CSRNP2: variants seen among roughly 807,000 people sequenced by gnomAD.
The protein encoded by CSRNP2 is cysteine/serine-rich nuclear protein 2.
CSRNP2 carries 11 observed loss-of-function variants against 36.6 expected under a neutral mutation model. The ratio of observed to expected loss-of-function variants is 0.30; its 90% CI spans 0.19 to 0.50. The LOEUF (loss-of-function observed/expected upper bound fraction) is 0.50. Among genes scored for constraint, CSRNP2 ranks in the 20% least tolerant of loss-of-function variants. The pLI, the probability that CSRNP2 is intolerant of heterozygous loss-of-function variation, is 0.98. For missense variants in CSRNP2, 483 were observed against 691.4 expected, an observed-to-expected ratio of 0.70 and a Z score of 3.38; for synonymous variants, 248 against 275.3, an observed-to-expected ratio of 0.90 and a Z score of 0.98.
rs770908177 is a variant in CSRNP2 at position 51,067,728 on chromosome 12, C to T, written c.653G>A (p.Arg218Gln). The T allele has an allele frequency of 1.9e-5, 30 of 1,614,040 alleles. No homozygotes were observed. The highest frequency in any genetic ancestry group is 4.0e-5 in the African/African-American group (3 of 74,908). ...LSREECGCDCRLYCDPEACAC... is the reference protein window; with the variant it reads ...LSREECGCDCQLYCDPEACAC... ...ACACGCTTCTGGGTCACAATACAGT[C>T]GGCAGTCACAACCACATTCTTCCCG... Residue 218 changes from arginine (R) to glutamine (Q), a missense_variant, in exon 4 of 5, where the codon CGA becomes CAA. Transcript: ENST00000228515. This position sits in a 1 kb window ranked among gnomAD's most constrained non-coding sequence, Gnocchi z 4.1.
In CSRNP2 at chr12:51,062,336, T is replaced by C. The variant is rs1001538716; in HGVS notation, c.*1410A>G. The C allele has an allele frequency of 6.6e-6, 1 of 152,220 alleles. No homozygotes were observed. Among genetic ancestry groups the C allele is most frequent in the Admixed American group, 6.5e-5 (1 of 15,272 alleles). 9.4% of individuals were successfully genotyped at this position (152,220 alleles called of 1,614,324 possible). A position where few individuals can be genotyped will look rare whatever the true frequency, so the allele number is the denominator to read the frequency against. The stretch of plus-strand genomic sequence containing the variant: ...CAGAAGTAAAGTATGGTGTAAAGGA[T>C]GCTTGAGAAGAATAGTTTTGCTCCC... On this transcript the variant is annotated 3_prime_UTR_variant, in exon 5 of 5. Transcript: ENST00000228515.
At chr12:51,071,789 G>A (rs1939170933) in intron 3 of CSRNP2, among the ~76,000 whole-genome samples, 1 of 152,182 alleles carries the variant, frequency 6.6e-6, no homozygotes, top group South Asian at 2.1e-4. Flanking sequence ...TAGGAGAGTG[G>A]AGTTTTCTTC....
In CSRNP2 at chr12:51,063,983, T is replaced by C; in HGVS notation, c.1395A>G (p.Thr465=). Residue 465 remains threonine (T), a synonymous_variant, in exon 5 of 5, where the codon ACA becomes ACG. Coordinates refer to ENST00000228515, the MANE Select transcript of CSRNP2 (RefSeq NM_030809.3). The part of the protein sequence containing the change: ...PVTSLVACSS[T]DPAALCKSEV... ...CTGATTTACAGAGGGCAGCTGGGTC[T>C]GTGGAGCTACAAGCCACGAGTGAGG... 6.2e-7 allele frequency: 1 copy of C among 1,613,980 alleles called. No homozygotes were observed. Among genetic ancestry groups the C allele is most frequent in the Non-Finnish European group, 8.5e-7 (1 of 1,179,822 alleles).
chr12:51,071,259 C>CAAA (rs34960606), intron 3 of CSRNP2, among the ~76,000 whole-genome samples: 19,193 of 118,358 alleles, frequency 0.16, 1,933 homozygotes, highest in South Asian at 0.24. Context: ...GACCCTGCAT[C>CAAA]AAAAAAAAAA....
chr12:51,074,232 C>G, intron 2 of CSRNP2, 150 bp from the exon 3 acceptor site: 1 of 862,568 alleles, frequency 1.2e-6, no homozygotes. Context: ...ATTCTCCTGC[C>G]TCAGCCTCCT....
At chr12:51,077,283 C>T (rs189976837) in intron 1 of CSRNP2, among the ~76,000 whole-genome samples, 1 of 152,258 alleles carries the variant, frequency 6.6e-6, no homozygotes, top group African/African-American at 2.4e-5. Context: ...TACAGCCCGG[C>T]ATTTCCCAAA....
At chr12:51,075,948 G>A (rs1462339337) in intron 2 of CSRNP2, among the ~76,000 whole-genome samples, 2 of 152,140 alleles carry the variant, frequency 1.3e-5, no homozygotes, top group African/African-American at 4.8e-5. Context: ...TACTGGGGAG[G>A]CCTGAAGCAG....
intron 1 of CSRNP2, among the ~76,000 whole-genome samples, chr12:51,080,230 G>A (rs1385747820): frequency 6.6e-6 from 1 of 151,842 alleles, no homozygotes; most frequent in Non-Finnish European, 1.5e-5. Context: ...GGAAGTAACT[G>A]TCCACTCCTG....
At chr12:51,071,317 A>G (rs1939146529) in intron 3 of CSRNP2, among the ~76,000 whole-genome samples, 1 of 149,466 alleles carries the variant, frequency 6.7e-6, no homozygotes, top group Non-Finnish European at 1.5e-5. Flanking sequence ...GTGCAGCTGC[A>G]GTCCCAGCTA....
In CSRNP2 at chr12:51,063,687, G is replaced by A; in HGVS notation, c.*59C>T. The A allele has an allele frequency of 7.5e-7, 1 of 1,326,302 alleles. No individual in the cohort carries two copies. The highest frequency in any genetic ancestry group is 1.0e-6 in the Non-Finnish European group (1 of 988,186). The allele number at this position is 1,326,302 out of a possible 1,614,324, so 82.2% of individuals were successfully genotyped here. On this transcript the variant is annotated 3_prime_UTR_variant, in exon 5 of 5. Transcript: ENST00000228515. The stretch of plus-strand genomic sequence containing the variant: ...TTCTACAGTTTTGTTTTGAAATGGT[G>A]TTAGATAAAATAAGGGAATAAATAG...
chr12:51,080,848 G>A (rs1057423950), intron 1 of CSRNP2, among the ~76,000 whole-genome samples: 1 of 152,196 alleles, frequency 6.6e-6, no homozygotes, highest in African/African-American at 2.4e-5. Flanking sequence ...AGATGAAGAT[G>A]TTCACTGGGC....
Position 51,065,613 on chromosome 12 carries a change from G to A in CSRNP2, c.709-944C>T, listed in dbSNP as rs953083055. On this transcript the variant is annotated intron_variant, in intron 4 of 4. Coordinates refer to ENST00000228515, the MANE Select transcript of CSRNP2 (RefSeq NM_030809.3). ...GCTGGGATTACAGGTGTGAGCCACC[G>A]CGCCCGGCCCTAATTTTAAAATTTT... Among the ~76,000 whole-genome samples, 9 of 151,730 alleles carry A rather than the reference G, an allele frequency of 5.9e-5. No individual in the cohort carries two copies. In the South Asian group the frequency reaches 1.0e-3, roughly 18 times the overall value.
chr12:51,073,236 C>T (rs1939260295), intron 3 of CSRNP2, among the ~76,000 whole-genome samples: 2 of 151,350 alleles, frequency 1.3e-5, no homozygotes, highest in African/African-American at 2.4e-5. Context: ...AACATACATA[C>T]ATACATACAT....
At chr12:51,080,882 C>T (rs1458106030) in intron 1 of CSRNP2, among the ~76,000 whole-genome samples, 2 of 152,330 alleles carry the variant, frequency 1.3e-5, no homozygotes, top group Admixed American at 6.5e-5. Flanking sequence ...CTCCTGTTCA[C>T]TTCCATGGTG....
chr12:51,074,183 T>C (rs1939297921), intron 2 of CSRNP2, 101 bp from the exon 3 acceptor site: 1 of 1,346,500 alleles, frequency 7.4e-7, no homozygotes, highest in African/African-American at 1.5e-5. Flanking sequence ...TGTGGCACTG[T>C]CTCGGCTCAC....
chr12:51,068,164 T>C (rs1323302781), intron 3 of CSRNP2, among the ~76,000 whole-genome samples, 195 bp from the exon 4 acceptor site: 2 of 152,210 alleles, frequency 1.3e-5, no homozygotes, highest in East Asian at 3.8e-4. Context: ...TGTCATTTTA[T>C]TTATTTTTTT....
Position 51,063,867 on chromosome 12 carries a change from G to C in CSRNP2, c.1511C>G (p.Ser504Cys). The change falls in exon 5 of 5, where the codon TCC (serine) becomes TGC (cysteine). Residue 504 changes from serine (S) to cysteine (C), a missense_variant. Physicochemically the swap from Ser to Cys is moderately radical, Grantham distance 112. This residue lies in a region of CSRNP2 where 277 missense variants were observed against 323.6 expected (regional missense o/e 0.86). Coordinates refer to ENST00000228515, the MANE Select transcript of CSRNP2 (RefSeq NM_030809.3). ...CGTGCGGAAGGGGAGGCTTGAGGGG[G>C]ACCAGGAAGGGTGGAAGTCTTCATT... ...PENEDFHPSWSPSSLPFRTDN... is the reference protein window; with the variant it reads ...PENEDFHPSWCPSSLPFRTDN... The C allele has an allele frequency of 3.7e-6, 6 of 1,614,114 alleles. No individual in the cohort carries two copies. The highest frequency in any genetic ancestry group is 5.1e-6 in the Non-Finnish European group (6 of 1,180,000).
Position 51,076,422 on chromosome 12 carries a change from G to C in CSRNP2, c.140C>G (p.Ala47Gly). 6.2e-7 allele frequency: 1 copy of C among 1,614,070 alleles called. No individual in the cohort carries two copies. Among genetic ancestry groups the C allele is most frequent in the Non-Finnish European group, 8.5e-7 (1 of 1,180,026 alleles). ...SCDSLNPPTT[A>G]SFTPTSILKR... ...AGCAGCTTACTCACGTGTGAAGCTG[G>C]CAGTGGTAGGAGGATTGAGGCTGTC... is the stretch of plus-strand genomic sequence containing the variant. The change falls in exon 2 of 5, where the codon GCC becomes GGC. Residue 47 changes from alanine (A) to glycine (G), a missense_variant. Physicochemically the swap from Ala to Gly is moderately conservative, Grantham distance 60. Transcript: ENST00000228515.
chr12:51,067,403 G>A lies in CSRNP2; in HGVS notation c.708+270C>T, dbSNP rs1223940935. Among the ~76,000 whole-genome samples, 2 of 152,140 alleles carry A rather than the reference G, an allele frequency of 1.3e-5. No individual in the cohort carries two copies. Among genetic ancestry groups the A allele is most frequent in the African/African-American group, 4.8e-5 (2 of 41,414 alleles). ...GTGACCCAGGCTGGCGTGCACTGGT[G>A]TGAACTCAGCTCACTGCAGCCTTGA... On this transcript the variant is annotated intron_variant, in intron 4 of 4. Coordinates refer to ENST00000228515, the MANE Select transcript of CSRNP2 (RefSeq NM_030809.3). The surrounding 1 kb of genome is among the most constrained non-coding windows in gnomAD (Gnocchi z 4.1).
Sources: allele counts gnomAD v4.1 joint callset (sites outside exome capture counted in the v4.1 genomes callset), GRCh38; gene constraint gnomAD v4.1.1; regional missense constraint gnomAD v4.1.1; non-coding constraint Gnocchi (gnomAD v3.1); transcripts MANE v1.5; gene names NCBI Gene and HGNC (gene_info 2026-07-23, HGNC 2026-07-21).